Variants in PADI3 observed in about 807,000 individuals in gnomAD.
The protein encoded by PADI3 is protein-arginine deiminase type-3.
A neutral mutation model predicts 71.5 loss-of-function variants in PADI3; 53 were observed. That is an observed-to-expected ratio of 0.74 (90% CI 0.59 to 0.93). PADI3 has a LOEUF of 0.93. PADI3 is among the 40% of genes least tolerant of loss of function. The pLI, the probability that PADI3 is intolerant of heterozygous loss-of-function variation, is 0.00. For synonymous variants in PADI3, 361 were observed against 347.5 expected, an observed-to-expected ratio of 1.04 and a Z score of -0.43; for missense variants, 821 against 868.0, an observed-to-expected ratio of 0.95 and a Z score of 0.68.
Position 17,280,334 on chromosome 1 carries a change from T to C in PADI3, c.1556-16T>C, listed in dbSNP as rs746176876. On this transcript the variant is annotated splice_polypyrimidine_tract_variant and intron_variant, in intron 13 of 15. Coordinates refer to ENST00000375460, the MANE Select transcript of PADI3 (RefSeq NM_016233.2). ...GTGCTGTCCCTGTCCTTCTCTTTCATCTCTCTCCTTCACAGATGATGAGCA... is the reference window on the plus strand; with the variant it reads ...GTGCTGTCCCTGTCCTTCTCTTTCACCTCTCTCCTTCACAGATGATGAGCA... 6 of 1,608,402 alleles carry C rather than the reference T, an allele frequency of 3.7e-6. No individual in the cohort carries two copies. In the East Asian group the frequency reaches 1.3e-4, roughly 36 times the overall value.
intron 1 of PADI3, among the ~76,000 whole-genome samples, chr1:17,257,529 C>T (rs1479466793): frequency 6.6e-6 from 1 of 152,256 alleles, no homozygotes; most frequent in Non-Finnish European, 1.5e-5. Context: ...CTAAGTCTGG[C>T]AGCCCTGCTT....
chr1:17,258,416 G>C (rs1314306450), intron 1 of PADI3, among the ~76,000 whole-genome samples: 6 of 152,258 alleles, frequency 3.9e-5, no homozygotes, highest in Admixed American at 6.5e-5. Flanking sequence ...CACAGTCAAA[G>C]GATGCATAGT....
At chr1:17,260,881 T>C (rs1376350883) in intron 2 of PADI3, among the ~76,000 whole-genome samples, 1 of 152,134 alleles carries the variant, frequency 6.6e-6, no homozygotes, top group Non-Finnish European at 1.5e-5. Flanking sequence ...GGCGATGGTG[T>C]GGGTACCCCC....
At chr1:17,265,551 C>A (rs2073156624) in intron 3 of PADI3, 108 bp from the exon 4 acceptor site, 1 of 956,872 alleles carries the variant, frequency 1.0e-6, no homozygotes, top group Admixed American at 1.8e-5. Context: ...GATGGTGTCT[C>A]CTTAGAAATG....
At chr1:17,282,645 G>A (rs1396393666) in intron 15 of PADI3, among the ~76,000 whole-genome samples, 2 of 152,256 alleles carry the variant, frequency 1.3e-5, no homozygotes, top group Non-Finnish European at 2.9e-5. Flanking sequence ...CGTTGCCAGA[G>A]TGAGTTCTGC....
At position 17,271,201 on chromosome 1, in the gene PADI3, G is replaced by A. The variant is rs1254279943; in HGVS notation, c.1047+23G>A. ...CAGGTAACCACAGCCACTGGGCAGG[G>A]CCCAGCAAGGACGCCATCCTGGAGA... On this transcript the variant is annotated intron_variant, in intron 9 of 15. Coordinates refer to ENST00000375460, the MANE Select transcript of PADI3 (RefSeq NM_016233.2). 1.9e-6 allele frequency: 3 copies of A among 1,598,734 alleles called. No homozygotes were observed. In the African/African-American group the frequency reaches 4.0e-5, roughly 21 times the overall value.
chr1:17,262,219 C>T lies in PADI3; in HGVS notation c.346+14C>T. Reference sequence around the variant, plus strand: ...TCACCTGTGTTGGTAAGTTGGGGGCCATGTTGATGGTGTGGCCAAGGGCAC... The same window carrying T: ...TCACCTGTGTTGGTAAGTTGGGGGCTATGTTGATGGTGTGGCCAAGGGCAC... On this transcript the variant is annotated intron_variant, in intron 3 of 15. Coordinates refer to ENST00000375460, the MANE Select transcript of PADI3 (RefSeq NM_016233.2). 6.3e-7 allele frequency: 1 copy of T among 1,594,722 alleles called. No individual in the cohort carries two copies. Among genetic ancestry groups the T allele is most frequent in the Non-Finnish European group, 8.5e-7 (1 of 1,170,894 alleles).
At chr1:17,282,171 A>T (rs986905948) in intron 15 of PADI3, among the ~76,000 whole-genome samples, 1 of 152,144 alleles carries the variant, frequency 6.6e-6, no homozygotes, top group African/African-American at 2.4e-5. Flanking sequence ...GCAATGATTC[A>T]GGTTCTTGTG....
chr1:17,254,729 T>C (rs920038081), intron 1 of PADI3, among the ~76,000 whole-genome samples: 1 of 150,864 alleles, frequency 6.6e-6, no homozygotes, highest in African/African-American at 2.4e-5. Flanking sequence ...TTTTTTTTTT[T>C]TTTTTGAGAT....
At chr1:17,271,260 T>G in intron 9 of PADI3, 82 bp downstream of exon 9, 1 of 1,194,992 alleles carries the variant, frequency 8.4e-7, no homozygotes, top group Non-Finnish European at 1.2e-6. Flanking sequence ...CCGAGAAACA[T>G]CCAGGAGGAC....
chr1:17,278,867 C>T (rs1341830231), intron 13 of PADI3, among the ~76,000 whole-genome samples: 3 of 152,138 alleles, frequency 2.0e-5, no homozygotes, highest in Non-Finnish European at 2.9e-5. Context: ...TTTCCAAAGT[C>T]CCCTTGCTCT....
intron 3 of PADI3, among the ~76,000 whole-genome samples, chr1:17,263,543 G>C (rs1270925505): frequency 6.6e-6 from 1 of 152,038 alleles, no homozygotes; most frequent in Non-Finnish European, 1.5e-5. Context: ...AAATTGTAAA[G>C]CTTTTAGAAA....
At chr1:17,269,320 G>A (rs1296434307) in intron 6 of PADI3, among the ~76,000 whole-genome samples, 1 of 152,088 alleles carries the variant, frequency 6.6e-6, no homozygotes, top group East Asian at 1.9e-4. Context: ...ACCTTTTCTG[G>A]TATTTATTGA....
intron 3 of PADI3, among the ~76,000 whole-genome samples, chr1:17,264,710 AT>A (rs1424526570): frequency 1.3e-5 from 2 of 152,068 alleles, no homozygotes; most frequent in Non-Finnish European, 2.9e-5. Context: ...ATCTTTTCAC[AT>A]GTTTAAAAAT....
At chr1:17,272,397 G>A (rs1054719772) in intron 9 of PADI3, among the ~76,000 whole-genome samples, 4 of 152,174 alleles carry the variant, frequency 2.6e-5, no homozygotes, top group Non-Finnish European at 5.9e-5. Flanking sequence ...CAGGACTCTG[G>A]GGCACGATGG....
intron 15 of PADI3, among the ~76,000 whole-genome samples, chr1:17,281,432 ATCTTTTTT>A (rs1283930224): frequency 5.6e-5 from 8 of 143,306 alleles, no homozygotes; most frequent in Non-Finnish European, 1.0e-4. Flanking sequence ...ATGCTTGTAA[ATCTTTTTT>A]TCTTTTTTTC....
chr1:17,266,942 G>C (rs1557505175), intron 5 of PADI3, 106 bp downstream of exon 5: 1 of 847,780 alleles, frequency 1.2e-6, no homozygotes, highest in Non-Finnish European at 2.0e-6. Context: ...GTCCAGGGGA[G>C]AGCGCCAGCC....
Position 17,282,953 on chromosome 1 carries a change from G to T in PADI3, c.1869G>T (p.Pro623=), listed in dbSNP as rs2293920. The T allele has an allele frequency of 0.43, 700,158 of 1,613,670 alleles. 154,008 individuals are homozygous for T. Among genetic ancestry groups the T allele is most frequent in the East Asian group, 0.65 (29,002 of 44,844 alleles). Residue 623 remains proline (P), a synonymous_variant, in exon 16 of 16, where the codon CCG becomes CCT. Coordinates refer to ENST00000375460, the MANE Select transcript of PADI3 (RefSeq NM_016233.2). The part of the protein sequence containing the change: ...LEEKVRSLLE[P]LGLHCTFIDD... ...AGAAGGTGCGGTCCCTGCTGGAGCC[G>T]CTGGGCCTCCACTGCACCTTCATTG... is the stretch of plus-strand genomic sequence containing the variant.
intron 11 of PADI3, among the ~76,000 whole-genome samples, chr1:17,275,299 T>C (rs1426515312): frequency 2.0e-5 from 3 of 148,248 alleles, no homozygotes. Flanking sequence ...TAGCCAGGCG[T>C]GGTGGCAGGC....
Sources: gnomAD v4.1 joint callset for allele counts (sites outside exome capture counted in the v4.1 genomes callset) on GRCh38, gnomAD v4.1.1 for gene constraint, MANE v1.5 for transcripts, NCBI Gene and HGNC (gene_info 2026-07-23, HGNC 2026-07-21) for gene names.